CNPY1: variants seen among roughly 807,000 people sequenced by gnomAD.
The protein encoded by CNPY1 is canopy FGF signaling regulator 1.
Under a neutral mutation model 14.4 loss-of-function variants are expected in CNPY1, and 14 were observed. The ratio of observed to expected loss-of-function variants is 0.97; its 90% confidence interval spans 0.64 to 1.52. The LOEUF is 1.52. CNPY1 is among the 40% of genes most tolerant of loss of function. The pLI is 0.00. For synonymous variants in CNPY1, 43 were observed against 46.5 expected (o/e 0.92, Z 0.31); for missense variants, 129 against 131.5 (o/e 0.98, Z 0.09).
At chr7:155,545,058 C>A (rs1401683362) in intron 2 of CNPY1, among the ~76,000 whole-genome samples, 2 of 152,226 alleles carry the variant, frequency 1.3e-5, no homozygotes, top group African/African-American at 4.8e-5. Flanking sequence ...GGACCCCACA[C>A]AGACAGCCTA....
chr7:155,509,756 C>T (rs1796471292), intron 2 of CNPY1, among the ~76,000 whole-genome samples: 1 of 152,202 alleles, frequency 6.6e-6, no homozygotes, highest in African/African-American at 2.4e-5. Context: ...GGCTCCTCGG[C>T]TGCTTTCTTT....
At chr7:155,521,225 G>T (rs1796718189) in intron 2 of CNPY1, among the ~76,000 whole-genome samples, 1 of 152,154 alleles carries the variant, frequency 6.6e-6, no homozygotes, top group African/African-American at 2.4e-5. Context: ...CGCCGATGGG[G>T]CTCTGTGATT....
At chr7:155,537,559 G>C (rs149255480) in intron 2 of CNPY1, among the ~76,000 whole-genome samples, 4,582 of 151,964 alleles carry the variant, frequency 0.03, 92 homozygotes, top group South Asian at 0.047. Flanking sequence ...GAGTAGCTGG[G>C]GCTACAGGAA....
chr7:155,538,555 C>G (rs775568010), intron 2 of CNPY1, among the ~76,000 whole-genome samples: 7 of 152,148 alleles, frequency 4.6e-5, no homozygotes, highest in Non-Finnish European at 8.8e-5. Context: ...CCCCACAAGG[C>G]CCTGAGCTTG....
rs58372261 is a variant in CNPY1, at chr7:155,519,522, AAAATAAATAAATAAATAAAT to A, written c.100-10445_100-10426del. Among the ~76,000 whole-genome samples the A allele has an allele frequency of 2.4e-3, 336 of 141,102 alleles. 4 individuals carry two copies. Among genetic ancestry groups the A allele is most frequent in the African/African-American group, 8.8e-3 (319 of 36,190 alleles). 92.6% of individuals were successfully genotyped at this position (141,102 alleles called of 152,430 possible). ...GGTGATGGAGCAAGACCCTGTCTCA[AAAATAAATAAATAAATAAAT>A]AAATAAATAAATAAATAAATAAGAA... On this transcript the variant is annotated intron_variant, in intron 2 of 4. Transcript: ENST00000636446.
chr7:155,542,052 C>G (rs886182622), intron 2 of CNPY1, among the ~76,000 whole-genome samples: 1 of 152,052 alleles, frequency 6.6e-6, no homozygotes, highest in Non-Finnish European at 1.5e-5. Flanking sequence ...GTCGGGGGGG[C>G]AGAAGTCTGC....
chr7:155,520,669 T>C (rs1205072252), intron 2 of CNPY1, among the ~76,000 whole-genome samples: 1 of 152,148 alleles, frequency 6.6e-6, no homozygotes, highest in Admixed American at 6.5e-5. Context: ...GAGATAATTT[T>C]GTTCCATTTG....
chr7:155,526,134 G>A (rs937707135), intron 2 of CNPY1, among the ~76,000 whole-genome samples: 3 of 152,160 alleles, frequency 2.0e-5, no homozygotes, highest in Non-Finnish European at 2.9e-5. Context: ...TACTTTTGAT[G>A]TTCAGAAGGT....
At chr7:155,524,326 G>T (rs1796780953) in intron 2 of CNPY1, among the ~76,000 whole-genome samples, 2 of 152,198 alleles carry the variant, frequency 1.3e-5, no homozygotes, top group South Asian at 4.1e-4. Context: ...TTCCTGTAAG[G>T]CAGGGGTCCT....
In CNPY1 at chr7:155,507,024, T is replaced by C; in HGVS notation, c.396A>G (p.Lys132=). The C allele has an allele frequency of 1.2e-6, 2 of 1,605,356 alleles. No individual in the cohort carries two copies. Among genetic ancestry groups the C allele is most frequent in the Non-Finnish European group, 8.5e-7 (1 of 1,172,490 alleles). Residue 132 remains lysine (K), a synonymous_variant, in exon 4 of 5, where the codon AAA becomes AAG. Transcript: ENST00000636446. ...ATGTTACATCAGACACAGTACCTGA[T>C]TTTTCACTGCACAGCTTGTCAGCTA... is the stretch of plus-strand genomic sequence containing the variant. ...HYLADKLCSE[K]SDLCETSANH...
intron 2 of CNPY1, among the ~76,000 whole-genome samples, chr7:155,533,004 C>A (rs1233641964): frequency 2.6e-5 from 4 of 152,210 alleles, no homozygotes; most frequent in Admixed American, 2.6e-4. Flanking sequence ...TCCTTTACCG[C>A]TATTAACAAC....
intron 2 of CNPY1, among the ~76,000 whole-genome samples, chr7:155,509,730 C>A (rs991452674): frequency 6.6e-6 from 1 of 152,306 alleles, no homozygotes; most frequent in East Asian, 1.9e-4. Context: ...CGGACGGGCG[C>A]CCCATCTCCC....
Position 155,543,162 on chromosome 7 carries a change from A to G in CNPY1, c.99+2669T>C, listed in dbSNP as rs1009384223. On this transcript the variant is annotated intron_variant, in intron 2 of 4. Transcript: ENST00000636446. ...CTGACTGAGGTCCAGAAAGGAGAAAAAAGCAGGCAAGGGGTCCTGCCGCTC... is the reference window on the plus strand; with the variant it reads ...CTGACTGAGGTCCAGAAAGGAGAAAGAAGCAGGCAAGGGGTCCTGCCGCTC... 2.0e-5 allele frequency among the ~76,000 whole-genome samples: 3 copies of G among 152,098 alleles called. No individual in the cohort carries two copies. In the South Asian group the frequency reaches 6.2e-4, roughly 32 times the overall value.
rs531257936 is a variant in CNPY1, at chr7:155,546,008, G to A, written c.-14-65C>T. On this transcript the variant is annotated intron_variant, in intron 1 of 4. Transcript: ENST00000636446. ...CGAGCCAGAGCCGGGCCTGTGGAGT[G>A]GCTTCCTCTGTGCCACCCTCTAGCT... is the stretch of plus-strand genomic sequence containing the variant. 8.8e-5 allele frequency: 35 copies of A among 398,498 alleles called. 1 individual carries two copies. In the South Asian group the frequency reaches 1.9e-3, roughly 22 times the overall value. The allele number at this position is 398,498 out of a possible 1,614,324, so 24.7% of individuals were successfully genotyped here.
At chr7:155,511,373 A>G (rs574804888) in intron 2 of CNPY1, among the ~76,000 whole-genome samples, 1 of 152,352 alleles carries the variant, frequency 6.6e-6, no homozygotes, top group South Asian at 2.1e-4. Context: ...GTTGCTGAGC[A>G]TATAAGTTTT....
chr7:155,536,430 C>G lies in CNPY1; in HGVS notation c.99+9401G>C, dbSNP rs138080539. 6.6e-6 allele frequency among the ~76,000 whole-genome samples: 1 copy of G among 152,136 alleles called. No individual in the cohort carries two copies. Among genetic ancestry groups the G allele is most frequent in the Non-Finnish European group, 1.5e-5 (1 of 68,032 alleles). On this transcript the variant is annotated intron_variant, in intron 2 of 4. Transcript: ENST00000636446. The surrounding 1 kb of genome is among the most constrained non-coding windows in gnomAD (Gnocchi z 4.1). ...AGGTGCCTTTCTTTGTCCCATGCTACCAGGCTTCTCTCCAGTGACCAGTGA... is the reference window on the plus strand; with the variant it reads ...AGGTGCCTTTCTTTGTCCCATGCTAGCAGGCTTCTCTCCAGTGACCAGTGA...
chr7:155,537,320 T>A (rs1797035077), intron 2 of CNPY1, among the ~76,000 whole-genome samples: 1 of 151,976 alleles, frequency 6.6e-6, no homozygotes, highest in African/African-American at 2.4e-5. Context: ...GAGGATTGCA[T>A]CGGTTCCTGA....
At chr7:155,533,621 C>T (rs1468233364) in intron 2 of CNPY1, 1 of 152,200 alleles carries the variant, frequency 6.6e-6, no homozygotes, top group African/African-American at 2.4e-5. Flanking sequence ...AGGGGAAAAG[C>T]GGGTATCAAA....
Position 155,502,789 on chromosome 7 carries a change from A to G in CNPY1, c.*279T>C. On this transcript the variant is annotated 3_prime_UTR_variant, in exon 5 of 5. Transcript: ENST00000636446. ...ATGAAATGTCTTCGCTTTTTTCCTC[A>G]ATACAGAATTAAATCCTCTATTGTC... 2 of 437,076 alleles carry G rather than the reference A, an allele frequency of 4.6e-6. No individual in the cohort carries two copies. Among genetic ancestry groups the G allele is most frequent in the Non-Finnish European group, 8.1e-6 (2 of 245,854 alleles). The allele number at this position is 437,076 out of a possible 1,614,324, so 27.1% of individuals were successfully genotyped here.
Sources: allele counts gnomAD v4.1 joint callset (sites outside exome capture counted in the v4.1 genomes callset), GRCh38; gene constraint gnomAD v4.1.1; non-coding constraint Gnocchi (gnomAD v3.1); transcripts MANE v1.5; gene names NCBI Gene and HGNC (gene_info 2026-07-23, HGNC 2026-07-21).